The following PI4KA variants were observed in gnomAD, a reference collection of about 807,000 sequenced individuals.
PI4KA encodes PI4-kinase alpha.
Under a neutral mutation model 271.4 loss-of-function variants are expected in PI4KA, and 122 were observed. That is an observed-to-expected ratio of 0.45 (90% CI 0.39 to 0.52). PI4KA has a LOEUF of 0.52. Among genes scored for constraint, PI4KA ranks in the 20% least tolerant of loss-of-function variants. The pLI is 0.00. For synonymous variants in PI4KA, 1,041 were observed against 1,078.8 expected, an observed-to-expected ratio of 0.96 and a Z score of 0.69; for missense variants, 1,969 against 2,769.1, an observed-to-expected ratio of 0.71 and a Z score of 6.48.
chr22:20,772,951 A>G (rs1467601194), intron 19 of PI4KA, among the ~76,000 whole-genome samples: 1 of 152,114 alleles, frequency 6.6e-6, no homozygotes, highest in Admixed American at 6.5e-5. Context: ...TTAGCTAGAC[A>G]TGGTGGTGTG....
At chr22:20,752,173 GGA>G (rs1930775371) in intron 25 of PI4KA, among the ~76,000 whole-genome samples, 1 of 152,218 alleles carries the variant, frequency 6.6e-6, no homozygotes, top group Non-Finnish European at 1.5e-5. Flanking sequence ...CAGGGCTGAA[GGA>G]GAGGTGTCTC....
intron 2 of PI4KA, among the ~76,000 whole-genome samples, chr22:20,837,894 G>A (rs1413349869): frequency 1.3e-5 from 2 of 151,978 alleles, no homozygotes; most frequent in Non-Finnish European, 2.9e-5. Flanking sequence ...AGAGGCAGGC[G>A]GATTACCTGA....
chr22:20,720,608 C>T (rs915487789), intron 43 of PI4KA, among the ~76,000 whole-genome samples: 4 of 152,182 alleles, frequency 2.6e-5, no homozygotes, highest in Admixed American at 2.0e-4. Context: ...AGAATCTCCA[C>T]AATGACCTGA....
intron 29 of PI4KA, among the ~76,000 whole-genome samples, chr22:20,746,767 T>C (rs1273209060): frequency 6.6e-6 from 1 of 152,182 alleles, no homozygotes; most frequent in Non-Finnish European, 1.5e-5. Context: ...TTAGAGATAG[T>C]GCAGTGACCT....
intron 3 of PI4KA, among the ~76,000 whole-genome samples, chr22:20,832,424 G>T (rs1924301568): frequency 6.7e-6 from 1 of 150,198 alleles, no homozygotes; most frequent in South Asian, 2.1e-4. Context: ...CGAAATTCTT[G>T]AAGTGAGTTT....
At position 20,727,450 on chromosome 22, in the gene PI4KA, A is replaced by C. The variant is rs772160735; in HGVS notation, c.4774-53T>G. 274 of 1,493,240 alleles carry C rather than the reference A, an allele frequency of 1.8e-4. 1 individual carries two copies. The Admixed American group carries it at 6.2e-3, about 34-fold the overall frequency. 92.5% of individuals were successfully genotyped at this position (1,493,240 alleles called of 1,614,324 possible). Reference sequence around the variant, plus strand: ...GCTTGGGCAGTCCCGGGACCTCTGGAAATACCTGGTCCACGGGCCACACAA... The same window carrying C: ...GCTTGGGCAGTCCCGGGACCTCTGGCAATACCTGGTCCACGGGCCACACAA... On this transcript the variant is annotated intron_variant, in intron 40 of 54. Coordinates refer to ENST00000255882, the MANE Select transcript of PI4KA (RefSeq NM_058004.4).
chr22:20,830,841 G>A (rs1474139434), intron 3 of PI4KA, among the ~76,000 whole-genome samples: 1 of 152,086 alleles, frequency 6.6e-6, no homozygotes, highest in East Asian at 1.9e-4. Context: ...ATGCGACTGT[G>A]GCTCACTGTA....
chr22:20,726,282 T>C (rs1184866766), intron 42 of PI4KA: 10 of 484,828 alleles, frequency 2.1e-5, no homozygotes, highest in Admixed American at 1.8e-4. Flanking sequence ...CAGAGCATGC[T>C]TGGGCCTCAG....
At position 20,820,573 on chromosome 22, in the gene PI4KA, C is replaced by T; in HGVS notation, c.495G>A (p.Leu165=). 6.2e-7 allele frequency: 1 copy of T among 1,611,964 alleles called. No homozygotes were observed. Among genetic ancestry groups the T allele is most frequent in the Non-Finnish European group, 8.5e-7 (1 of 1,178,656 alleles). ...EVLLQVLHVL[L]GMCQALEIQD... Reference sequence around the variant, plus strand: ...GAATCTCCAAGGCCTGGCACATCCCCAAGAGGACATGCAAAACCTGCAAAA... The same window carrying T: ...GAATCTCCAAGGCCTGGCACATCCCTAAGAGGACATGCAAAACCTGCAAAA... Residue 165 remains leucine, a synonymous_variant, in exon 5 of 55, where the codon TTG becomes TTA. Transcript: ENST00000255882.
intron 36 of PI4KA, among the ~76,000 whole-genome samples, chr22:20,730,594 G>T (rs5760219): frequency 0.38 from 57,245 of 150,642 alleles, 11,061 homozygotes; most frequent in Middle Eastern, 0.47. Context: ...TTTTTGAGAA[G>T]GAGTCTCGCT....
rs531906342 is a variant in PI4KA at position 20,846,279 on chromosome 22, A to G, written c.157-7548T>C. Among the ~76,000 whole-genome samples, 643 of 151,184 alleles carry G rather than the reference A, an allele frequency of 4.3e-3. 3 individuals carry two copies. The highest frequency in any genetic ancestry group is 0.013 in the African/African-American group (551 of 41,312). ...ACTCTATCTCAAAAAAAAAAAAAAA[A>G]AAAAGAAAAGAAGAAAAGAAAATAA... On this transcript the variant is annotated intron_variant, in intron 1 of 54. Transcript: ENST00000255882.
intron 23 of PI4KA, among the ~76,000 whole-genome samples, chr22:20,754,391 T>G (rs1253044495): frequency 6.6e-6 from 1 of 152,176 alleles, no homozygotes; most frequent in Non-Finnish European, 1.5e-5. Context: ...CCCAGTCCCT[T>G]TCTCTATTCT....
rs936485298 is a variant in PI4KA at position 20,729,031 on chromosome 22, C to A, written c.4682+282G>T. On this transcript the variant is annotated intron_variant, in intron 39 of 54. Coordinates refer to ENST00000255882, the MANE Select transcript of PI4KA (RefSeq NM_058004.4). Reference sequence around the variant, plus strand: ...CAGCCTCCACATGCTTCCTATCCGGCAGGAATCAGATCTTGGCTCTGAATT... The same window carrying A: ...CAGCCTCCACATGCTTCCTATCCGGAAGGAATCAGATCTTGGCTCTGAATT... Among the ~76,000 whole-genome samples the A allele has an allele frequency of 2.0e-5, 3 of 152,234 alleles. No individual in the cohort carries two copies. In the East Asian group the frequency reaches 5.8e-4, roughly 29 times the overall value.
At chr22:20,773,339 T>TCGCA (rs981373638) in intron 19 of PI4KA, among the ~76,000 whole-genome samples, 8 of 151,990 alleles carry the variant, frequency 5.3e-5, no homozygotes, top group Non-Finnish European at 8.8e-5. Flanking sequence ...TGAGCTGAGA[T>TCGCA]CGCACCACTG....
intron 22 of PI4KA, 57 bp from the exon 23 acceptor site, chr22:20,761,443 G>T: frequency 2.1e-6 from 2 of 972,850 alleles, no homozygotes; most frequent in East Asian, 2.4e-5. Flanking sequence ...CCCTATCACA[G>T]ATTTGACACT....
Position 20,753,101 on chromosome 22 carries a change from G to A in PI4KA, c.2862+9C>T. 6.2e-7 allele frequency: 1 copy of A among 1,614,184 alleles called. No individual in the cohort carries two copies. Among genetic ancestry groups the A allele is most frequent in the Non-Finnish European group, 8.5e-7 (1 of 1,180,024 alleles). ...CAGACAGACACGCATTCATGCTGGAGAGGCTTACTTTATCCGCCATCATGT... is the reference window on the plus strand; with the variant it reads ...CAGACAGACACGCATTCATGCTGGAAAGGCTTACTTTATCCGCCATCATGT... On this transcript the variant is annotated intron_variant, in intron 24 of 54. Transcript: ENST00000255882.
At chr22:20,760,834 A>G (rs935056180) in intron 23 of PI4KA, among the ~76,000 whole-genome samples, 4 of 152,142 alleles carry the variant, frequency 2.6e-5, no homozygotes, top group African/African-American at 9.7e-5. Context: ...GGGTCTGACG[A>G]CAAGTTGCAT....
chr22:20,732,696 G>T (rs1422376155), intron 36 of PI4KA, among the ~76,000 whole-genome samples: 2 of 152,208 alleles, frequency 1.3e-5, no homozygotes, highest in East Asian at 3.8e-4. Context: ...GCTCAGAGGG[G>T]TGTGTGAACG....
intron 28 of PI4KA, among the ~76,000 whole-genome samples, chr22:20,748,239 C>T (rs982332637): frequency 2.0e-5 from 3 of 152,226 alleles, no homozygotes; most frequent in African/African-American, 4.8e-5. Flanking sequence ...GCAGTCACTG[C>T]GGTGTTGCAC....
Sources: allele counts gnomAD v4.1 joint callset (sites outside exome capture counted in the v4.1 genomes callset), GRCh38; gene constraint gnomAD v4.1.1; transcripts MANE v1.5; gene names NCBI Gene and HGNC (gene_info 2026-07-23, HGNC 2026-07-21).